Variants in PTCD2 observed in about 807,000 individuals in gnomAD.
The protein encoded by PTCD2 is pentatricopeptide repeat domain 2, also known as pentatricopeptide repeat-containing protein 2, mitochondrial.
A neutral mutation model predicts 42.6 loss-of-function variants in PTCD2; 31 were observed. The ratio of observed to expected loss-of-function variants is 0.73; its 90% confidence interval spans 0.55 to 0.98. The LOEUF (loss-of-function observed/expected upper bound fraction) is 0.98, where lower values mean the gene tolerates loss of function less well. PTCD2 is among the 50% of genes least tolerant of loss of function. The pLI is 0.00. For synonymous variants in PTCD2, 183 were observed against 170.9 expected (o/e 1.07, Z -0.55); for missense variants, 476 against 454.8 (o/e 1.05, Z -0.42).
At position 72,331,374 on chromosome 5, in the gene PTCD2, A is replaced by T; in HGVS notation, c.467A>T (p.Gln156Leu). 1 of 1,596,080 alleles carries T rather than the reference A, an allele frequency of 6.3e-7. No homozygotes were observed. The highest frequency in any genetic ancestry group is 8.6e-7 in the Non-Finnish European group (1 of 1,163,542). The change falls in exon 4 of 10, where the codon CAG (glutamine) becomes CTG (leucine). Residue 156 changes from glutamine to leucine, a missense_variant and splice_region_variant. Gln to Leu is a moderately radical substitution (Grantham distance 113, BLOSUM62 -2). Transcript: ENST00000380639. ...TCTGCAGTGGAGCTCATGAAAGACC[A>T]GGTTATTGTTTCCTAATTGTTTTCT... ...EESAVELMKD[Q>L]HLRGFFSDST... is the part of the protein sequence containing the mutation.
At chr5:72,330,094 G>C (rs1037484607) in intron 3 of PTCD2, among the ~76,000 whole-genome samples, 2 of 151,344 alleles carry the variant, frequency 1.3e-5, no homozygotes, top group South Asian at 4.2e-4. Context: ...CACCACGCCC[G>C]GCTAATTTTT....
intron 7 of PTCD2, among the ~76,000 whole-genome samples, chr5:72,339,562 T>C (rs2112177902): frequency 6.6e-6 from 1 of 152,328 alleles, no homozygotes; most frequent in Admixed American, 6.5e-5. Context: ...AGCCTTCTGC[T>C]GGGCCAAGAT....
chr5:72,328,482 A>C (rs2112137189), intron 3 of PTCD2, among the ~76,000 whole-genome samples: 1 of 152,348 alleles, frequency 6.6e-6, no homozygotes, highest in South Asian at 2.1e-4. Flanking sequence ...TGGCCAGACC[A>C]AAGTCAAGGG....
intron 8 of PTCD2, among the ~76,000 whole-genome samples, chr5:72,350,057 A>G (rs1422985631): frequency 6.6e-6 from 1 of 152,156 alleles, no homozygotes; most frequent in East Asian, 1.9e-4. Flanking sequence ...CTTCTTGTTT[A>G]TTGTTATCGA....
chr5:72,358,516 G>C lies in PTCD2; in HGVS notation c.*89G>C. 1.1e-6 allele frequency: 1 copy of C among 898,350 alleles called. No homozygotes were observed. The highest frequency in any genetic ancestry group is 1.8e-6 in the Non-Finnish European group (1 of 565,596). 55.6% of individuals were successfully genotyped at this position (898,350 alleles called of 1,614,324 possible). ...AGAAGCCAGGTATCGCACTTCAGCA[G>C]ACAGTGTGCTGACACTTGGTCTTCT... On this transcript the variant is annotated 3_prime_UTR_variant, in exon 10 of 10. Coordinates refer to ENST00000380639, the MANE Select transcript of PTCD2 (RefSeq NM_024754.5).
intron 6 of PTCD2, among the ~76,000 whole-genome samples, chr5:72,336,293 A>G (rs1328749871): frequency 1.3e-5 from 2 of 152,120 alleles, no homozygotes; most frequent in Non-Finnish European, 2.9e-5. Context: ...AATCACCGAA[A>G]CTGGAAGTGA....
chr5:72,334,511 C>T (rs1324759090), intron 4 of PTCD2, among the ~76,000 whole-genome samples: 1 of 152,032 alleles, frequency 6.6e-6, no homozygotes, highest in Non-Finnish European at 1.5e-5. Flanking sequence ...TACCTCTCAG[C>T]ATGACAGCCA....
chr5:72,356,939 A>G (rs1246268604), intron 9 of PTCD2, among the ~76,000 whole-genome samples: 1 of 152,214 alleles, frequency 6.6e-6, no homozygotes, highest in Non-Finnish European at 1.5e-5. Flanking sequence ...ATTAAATTCC[A>G]TCAAGAAATG....
intron 3 of PTCD2, among the ~76,000 whole-genome samples, chr5:72,329,397 A>C (rs1177554397): frequency 1.3e-5 from 2 of 152,184 alleles, no homozygotes; most frequent in African/African-American, 4.8e-5. Context: ...TACCCTCGTT[A>C]TGTTGACCAA....
intron 9 of PTCD2, among the ~76,000 whole-genome samples, chr5:72,355,504 G>T (rs1041835872): frequency 1.3e-5 from 2 of 152,248 alleles, no homozygotes; most frequent in South Asian, 2.1e-4. Context: ...AATGTACCTT[G>T]TTTATGTATT....
chr5:72,336,952 C>G (rs1164662065), intron 6 of PTCD2, among the ~76,000 whole-genome samples: 1 of 152,040 alleles, frequency 6.6e-6, no homozygotes, highest in African/African-American at 2.4e-5. Context: ...TTGAAAAACT[C>G]CCCTGAAGAA....
chr5:72,358,320 C>G lies in PTCD2; in HGVS notation c.1060C>G (p.Leu354Val), dbSNP rs1368866701. ...QVTTDSLDAV[L>V]CHTPRDRKSH... is the part of the protein sequence containing the mutation. ...CACCACTGATTCTTTGGATGCTGTG[C>G]TCTGCCACACCCCCAGGGACAGGAA... is the stretch of plus-strand genomic sequence containing the variant. The change falls in exon 10 of 10, where the codon CTC (leucine) becomes GTC (valine). Residue 354 changes from leucine to valine, a missense_variant. Leu to Val is a conservative substitution (Grantham distance 32). Transcript: ENST00000380639. 1.2e-6 allele frequency: 2 copies of G among 1,613,928 alleles called. No individual in the cohort carries two copies. Among genetic ancestry groups the G allele is most frequent in the Non-Finnish European group, 1.7e-6 (2 of 1,179,978 alleles).
In PTCD2 at chr5:72,322,231, G is replaced by A; in HGVS notation, c.187G>A (p.Val63Met). 6.2e-7 allele frequency: 1 copy of A among 1,601,646 alleles called. No individual in the cohort carries two copies. The highest frequency in any genetic ancestry group is 8.6e-7 in the Non-Finnish European group (1 of 1,169,094). Residue 63 changes from valine to methionine, a missense_variant, in exon 2 of 10, where the codon GTG becomes ATG. Coordinates refer to ENST00000380639, the MANE Select transcript of PTCD2 (RefSeq NM_024754.5). ...ATTAAAAGAATTTCAACAAAAGAAA[G>A]TGGCTGTTGCATGTAATCTTTCTGG... is the stretch of plus-strand genomic sequence containing the variant. The part of the protein sequence containing the change: ...VKLKEFQQKK[V>M]AVACNLSGTK...
intron 8 of PTCD2, among the ~76,000 whole-genome samples, chr5:72,347,647 A>G (rs1752424734): frequency 6.6e-6 from 1 of 152,088 alleles, no homozygotes; most frequent in Non-Finnish European, 1.5e-5. Flanking sequence ...AGATCACACC[A>G]TTGCACTCCA....
intron 3 of PTCD2, among the ~76,000 whole-genome samples, chr5:72,328,786 A>G (rs1043317940): frequency 6.6e-6 from 1 of 152,048 alleles, no homozygotes; most frequent in Non-Finnish European, 1.5e-5. Context: ...TATGTTAGGT[A>G]TTTTCATCAA....
At chr5:72,321,724 TC>T (rs1363191048) in intron 1 of PTCD2, among the ~76,000 whole-genome samples, 1 of 152,200 alleles carries the variant, frequency 6.6e-6, no homozygotes. Context: ...AACTGGGAGT[TC>T]CAGTGGTCAT....
In PTCD2 at chr5:72,365,140, T is replaced by G. The variant is rs532135849; in HGVS notation, c.*6713T>G. The G allele has an allele frequency of 6.6e-6, 1 of 152,344 alleles. No individual in the cohort carries two copies. The highest frequency in any genetic ancestry group is 2.1e-4 in the South Asian group (1 of 4,830). 9.4% of individuals were successfully genotyped at this position (152,344 alleles called of 1,614,324 possible). A position where few individuals can be genotyped will look rare whatever the true frequency, so the allele number is the denominator to read the frequency against. Reference sequence around the variant, plus strand: ...AATCACTGCCCTGCAGCTGAAACACTGCAGAGCTGGCTGCTCTGGGATAGG... The same window carrying G: ...AATCACTGCCCTGCAGCTGAAACACGGCAGAGCTGGCTGCTCTGGGATAGG... On this transcript the variant is annotated 3_prime_UTR_variant, in exon 10 of 10. Transcript: ENST00000380639.
chr5:72,340,952 A>C (rs1752021778), intron 7 of PTCD2, among the ~76,000 whole-genome samples: 1 of 130,092 alleles, frequency 7.7e-6, no homozygotes, highest in South Asian at 2.4e-4. Context: ...TCGGCCAGTT[A>C]TTTTCTTTTC....
At chr5:72,346,895 A>G (rs973268775) in intron 8 of PTCD2, among the ~76,000 whole-genome samples, 4 of 152,196 alleles carry the variant, frequency 2.6e-5, no homozygotes, top group Non-Finnish European at 4.4e-5. Context: ...AAGGGGGAGA[A>G]GTGTTTTACT....
Sources: allele counts gnomAD v4.1 joint callset (sites outside exome capture counted in the v4.1 genomes callset), GRCh38; gene constraint gnomAD v4.1.1; transcripts MANE v1.5; gene names NCBI Gene and HGNC (gene_info 2026-07-23, HGNC 2026-07-21).